Variants in CDH13 observed in about 807,000 individuals in gnomAD.
CDH13 encodes cadherin-13.
A neutral mutation model predicts 63.8 loss-of-function variants in CDH13; 24 were observed. That is an observed-to-expected ratio of 0.38 (90% CI 0.27 to 0.53). CDH13 has a LOEUF of 0.53. Ranked by LOEUF, CDH13 falls within the 20% of genes least tolerant of loss-of-function variation. The pLI is 0.85. For missense variants in CDH13, 1,049 were observed against 903.1 expected (o/e 1.16, Z -2.07); for synonymous variants, 503 against 355.3 (o/e 1.42, Z -4.67).
chr16:83,782,568 A>G (rs2083879681), intron 12 of CDH13, among the ~76,000 whole-genome samples: 1 of 152,006 alleles, frequency 6.6e-6, no homozygotes, highest in Non-Finnish European at 1.5e-5. Context: ...AAACCCCATC[A>G]GTACTAAATA....
At chr16:82,815,739 T>A (rs1050294988) in intron 1 of CDH13, among the ~76,000 whole-genome samples, 1 of 152,178 alleles carries the variant, frequency 6.6e-6, no homozygotes, top group Non-Finnish European at 1.5e-5. Context: ...TATCACTTTG[T>A]TGGCCACTGT....
chr16:82,852,589 A>G (rs1050237323), intron 1 of CDH13, among the ~76,000 whole-genome samples: 4 of 152,222 alleles, frequency 2.6e-5, no homozygotes, highest in African/African-American at 9.6e-5. Context: ...CAGCAGCACC[A>G]TGTCCTATTG....
chr16:83,388,741 C>T (rs561610205), intron 6 of CDH13, among the ~76,000 whole-genome samples: 1 of 152,270 alleles, frequency 6.6e-6, no homozygotes, highest in South Asian at 2.1e-4. Context: ...TGAGAGTCCC[C>T]TTCTATCTCT....
intron 10 of CDH13, chr16:83,735,356 A>G (rs1373369195): frequency 9.2e-5 from 14 of 152,150 alleles, no homozygotes; most frequent in Admixed American, 9.2e-4. Flanking sequence ...TCTCTTCTTC[A>G]ATCATTGATT....
intron 1 of CDH13, among the ~76,000 whole-genome samples, chr16:82,811,138 T>C (rs763021485): frequency 1.3e-5 from 2 of 152,164 alleles, no homozygotes; most frequent in Non-Finnish European, 2.9e-5. Flanking sequence ...GGCATAGGTG[T>C]CCTGGAACTG....
intron 2 of CDH13, among the ~76,000 whole-genome samples, chr16:83,005,016 G>A (rs1164394803): frequency 6.6e-6 from 1 of 152,190 alleles, no homozygotes; most frequent in Non-Finnish European, 1.5e-5. Context: ...TTGACTAGAA[G>A]TTTCTCCTAA....
At chr16:83,613,763 T>C (rs751724143) in intron 8 of CDH13, among the ~76,000 whole-genome samples, 2 of 152,018 alleles carry the variant, frequency 1.3e-5, no homozygotes, top group Non-Finnish European at 2.9e-5. Context: ...AACCCCAGAG[T>C]TGGAGGTTGC....
intron 1 of CDH13, among the ~76,000 whole-genome samples, chr16:82,632,082 C>G (rs1908073689): frequency 6.6e-6 from 1 of 151,868 alleles, no homozygotes; most frequent in Non-Finnish European, 1.5e-5. Context: ...GTCAGGCAAC[C>G]CTAGATCCAC....
chr16:83,080,871 G>GT (rs71148809), intron 3 of CDH13, among the ~76,000 whole-genome samples: 14,258 of 46,582 alleles, frequency 0.31, 4,425 homozygotes, highest in Middle Eastern at 0.46. Flanking sequence ...TTGTTTTTGT[G>GT]TTTTTTTTTT....
rs1487657574 is a variant in CDH13 at position 83,799,037 on chromosome 16, C to T, written c.*4007C>T. On this transcript the variant is annotated 3_prime_UTR_variant, in exon 14 of 14. Coordinates refer to ENST00000567109, the MANE Select transcript of CDH13 (RefSeq NM_001257.5). ...TCTCAGTTAATCAAAAGTAGCCGGG[C>T]ATGGTGACTCATGCCTGTAATCCCA... The T allele has an allele frequency of 6.6e-6, 1 of 152,060 alleles. No individual in the cohort carries two copies. The highest frequency in any genetic ancestry group is 1.5e-5 in the Non-Finnish European group (1 of 68,012). 9.4% of individuals were successfully genotyped at this position (152,060 alleles called of 1,614,324 possible). A position where few individuals can be genotyped will look rare whatever the true frequency, so the allele number is the denominator to read the frequency against.
In CDH13 at chr16:83,092,353, G is replaced by C. The variant is rs188241689; in HGVS notation, c.367-33032G>C. ...TCCTAGCATTTGATTGACGGCTACT[G>C]TTAGTACAGATCATCTGGGCTCCTT... On this transcript the variant is annotated intron_variant, in intron 3 of 13. Transcript: ENST00000567109. 1.7e-3 allele frequency among the ~76,000 whole-genome samples: 259 copies of C among 152,326 alleles called. 1 individual carries two copies. The highest frequency in any genetic ancestry group is 2.6e-3 in the Non-Finnish European group (175 of 68,026).
intron 8 of CDH13, among the ~76,000 whole-genome samples, chr16:83,655,495 CAGAG>C (rs1385219895): frequency 1.3e-5 from 2 of 152,144 alleles, no homozygotes; most frequent in Non-Finnish European, 2.9e-5. Flanking sequence ...AAGAGTCTGT[CAGAG>C]AGAACGACAC....
At chr16:83,525,690 T>A (rs1217272497) in intron 7 of CDH13, among the ~76,000 whole-genome samples, 1 of 152,170 alleles carries the variant, frequency 6.6e-6, no homozygotes, top group Admixed American at 6.5e-5. Context: ...CTGAGGGACA[T>A]TGCAGATGTG....
chr16:83,063,177 G>A (rs1468337481), intron 3 of CDH13, among the ~76,000 whole-genome samples: 1 of 152,060 alleles, frequency 6.6e-6, no homozygotes, highest in Admixed American at 6.5e-5. Flanking sequence ...GGCCAGGCTG[G>A]CCTTGAACTC....
intron 3 of CDH13, among the ~76,000 whole-genome samples, chr16:83,091,334 A>G (rs1480182495): frequency 2.0e-5 from 3 of 152,192 alleles, no homozygotes; most frequent in Non-Finnish European, 2.9e-5. Flanking sequence ...TTCCTAGGGT[A>G]AATTCTCAGT....
rs949200666 is a variant in CDH13 at position 83,741,662 on chromosome 16, G to C, written c.1539-6446G>C. ...TCTGCTATATTGCATTGATCCATTT[G>C]GCTATTGTGCACTAATTGCCCAATA... On this transcript the variant is annotated intron_variant, in intron 10 of 13. Transcript: ENST00000567109. 3.3e-5 allele frequency among the ~76,000 whole-genome samples: 5 copies of C among 152,140 alleles called. No individual in the cohort carries two copies. In the East Asian group the frequency reaches 7.7e-4, roughly 24 times the overall value.
intron 2 of CDH13, among the ~76,000 whole-genome samples, chr16:83,022,348 C>T (rs540516020): frequency 6.6e-6 from 1 of 152,292 alleles, no homozygotes; most frequent in East Asian, 1.9e-4. Context: ...CCATCTCAGG[C>T]AAAACAGACA....
chr16:83,510,747 G>A (rs1407438296), intron 7 of CDH13, among the ~76,000 whole-genome samples: 1 of 152,126 alleles, frequency 6.6e-6, no homozygotes, highest in Non-Finnish European at 1.5e-5. Context: ...AGGGGGTTTG[G>A]GTTTCTTTCA....
At chr16:82,643,833 C>T (rs947196869) in intron 1 of CDH13, among the ~76,000 whole-genome samples, 3 of 151,970 alleles carry the variant, frequency 2.0e-5, no homozygotes, top group Non-Finnish European at 2.9e-5. Flanking sequence ...GCCTTGACCA[C>T]CTGAGCTCAA....
Sources: allele counts gnomAD v4.1 joint callset (sites outside exome capture counted in the v4.1 genomes callset), GRCh38; gene constraint gnomAD v4.1.1; transcripts MANE v1.5; gene names NCBI Gene and HGNC (gene_info 2026-07-23, HGNC 2026-07-21).